ZBTB16: variants seen among roughly 807,000 people sequenced by gnomAD.
ZBTB16 encodes zinc finger and BTB domain containing 16.
In ZBTB16, 8 loss-of-function variants were observed where a neutral mutation model predicts 56.8. The ratio of observed to expected loss-of-function variants is 0.14; its 90% CI spans 0.08 to 0.25. The LOEUF is 0.25. Ranked by LOEUF, ZBTB16 falls within the 10% of genes least tolerant of loss-of-function variation. The probability of loss-of-function intolerance (pLI) is 1.00; values close to 1 mark genes in which losing one functional copy is unlikely to be tolerated. For synonymous variants in ZBTB16, 363 were observed against 368.5 expected (o/e 0.98, Z 0.17); for missense variants, 625 against 903.0 (o/e 0.69, Z 3.95).
At chr11:114,220,843 T>TA (rs1433689038) in intron 4 of ZBTB16, among the ~76,000 whole-genome samples, 1 of 152,142 alleles carries the variant, frequency 6.6e-6, no homozygotes, top group Non-Finnish European at 1.5e-5. Context: ...AGCAGTTACA[T>TA]AGAGTTTTGG....
chr11:114,182,380 A>C (rs550632854), intron 3 of ZBTB16, among the ~76,000 whole-genome samples: 28 of 151,960 alleles, frequency 1.8e-4, no homozygotes, highest in African/African-American at 6.3e-4. Flanking sequence ...TCTTTTTATC[A>C]CTTATCACCA....
At chr11:114,226,640 C>T (rs1224933771) in intron 4 of ZBTB16, among the ~76,000 whole-genome samples, 1 of 152,166 alleles carries the variant, frequency 6.6e-6, no homozygotes, top group Non-Finnish European at 1.5e-5. Flanking sequence ...CTTCAGAGTG[C>T]CCAGGGTTGG....
chr11:114,142,270 C>CT (rs1197588465), intron 2 of ZBTB16, among the ~76,000 whole-genome samples: 1 of 152,186 alleles, frequency 6.6e-6, no homozygotes, highest in African/African-American at 2.4e-5. Context: ...TGCCTAAAAA[C>CT]TTTTTCTCCT....
chr11:114,247,295 C>T lies in ZBTB16; in HGVS notation c.1722C>T (p.Tyr574=), dbSNP rs753518284. The T allele has an allele frequency of 2.8e-5, 45 of 1,614,248 alleles. No individual in the cohort carries two copies. In the East Asian group the frequency reaches 4.5e-4, roughly 16 times the overall value. The change falls in exon 6 of 7, where the codon TAC becomes TAT. Residue 574 remains tyrosine (Y), a synonymous_variant. Transcript: ENST00000335953. ...GCATCCACACGGGTGAGAAACCCTACGAGTGCAATGGCTGTGGCAAGAAGT... is the reference window on the plus strand; with the variant it reads ...GCATCCACACGGGTGAGAAACCCTATGAGTGCAATGGCTGTGGCAAGAAGT... The part of the protein sequence containing the change: ...HKRIHTGEKP[Y]ECNGCGKKFS...
chr11:114,254,117 C>G lies in ZBTB16; in HGVS notation c.*3562C>G, dbSNP rs551055399. Among the ~76,000 whole-genome samples, 18 of 152,240 alleles carry G rather than the reference C, an allele frequency of 1.2e-4. No homozygotes were observed. The East Asian group carries it at 1.9e-3, about 16-fold the overall frequency. On this transcript the variant is annotated 3_prime_UTR_variant, in exon 7 of 7. Coordinates refer to ENST00000335953, the MANE Select transcript of ZBTB16 (RefSeq NM_006006.6). The stretch of plus-strand genomic sequence containing the variant: ...CTCATGTGCTCTTTCCCTATTCACT[C>G]CTTCACTCATTCAAAGCATTAAAAT...
rs1288514956 is a variant in ZBTB16, at chr11:114,064,611, C to A, written c.1268+43C>A. 6.2e-7 allele frequency: 1 copy of A among 1,605,676 alleles called. No individual in the cohort carries two copies. The highest frequency in any genetic ancestry group is 8.5e-7 in the Non-Finnish European group (1 of 1,177,138). ...CCCGCACCTGATGTAGGACTTGAGG[C>A]CCTCACACCCCTCCTTCACACCCTG... is the stretch of plus-strand genomic sequence containing the variant. On this transcript the variant is annotated intron_variant, in intron 2 of 6. Coordinates refer to ENST00000335953, the MANE Select transcript of ZBTB16 (RefSeq NM_006006.6). The surrounding 1 kb of genome is among the most constrained non-coding windows in gnomAD (Gnocchi z 4.2).
intron 3 of ZBTB16, among the ~76,000 whole-genome samples, chr11:114,157,779 C>T (rs2134962836): frequency 1.3e-5 from 2 of 152,320 alleles, no homozygotes; most frequent in South Asian, 4.1e-4. Flanking sequence ...CTTCCCTCTT[C>T]CAGGCGCACG....
intron 2 of ZBTB16, among the ~76,000 whole-genome samples, chr11:114,075,006 C>G (rs1213425783): frequency 6.6e-6 from 1 of 152,044 alleles, no homozygotes; most frequent in Non-Finnish European, 1.5e-5. Context: ...AGCGTATGTG[C>G]CTAGGTACAT....
At chr11:114,209,976 G>A (rs1217904506) in intron 4 of ZBTB16, 1 of 984,712 alleles carries the variant, frequency 1.0e-6, no homozygotes. Flanking sequence ...CTTATTAGGA[G>A]CAAGACTTCA....
intron 2 of ZBTB16, among the ~76,000 whole-genome samples, chr11:114,117,916 G>A (rs1003896922): frequency 7.9e-5 from 12 of 152,170 alleles, no homozygotes; most frequent in Non-Finnish European, 1.6e-4. Context: ...CTGACATCTG[G>A]AGAGCAGAGA....
chr11:114,086,052 G>A (rs961027362), intron 2 of ZBTB16, among the ~76,000 whole-genome samples: 16 of 152,112 alleles, frequency 1.1e-4, no homozygotes, highest in African/African-American at 3.9e-4. Context: ...AGCCTGGCTT[G>A]GGTGCTTGCT....
intron 3 of ZBTB16, among the ~76,000 whole-genome samples, chr11:114,178,295 GC>G (rs1240548039): frequency 6.6e-6 from 1 of 152,172 alleles, no homozygotes; most frequent in African/African-American, 2.4e-5. Context: ...ATTATTGTAT[GC>G]CAGACAGGGT....
At chr11:114,118,533 G>T (rs1182741764) in intron 2 of ZBTB16, among the ~76,000 whole-genome samples, 1 of 152,056 alleles carries the variant, frequency 6.6e-6, no homozygotes, top group African/African-American at 2.4e-5. Context: ...CTATTTATTT[G>T]TTGGGCAGTC....
chr11:114,209,887 T>C (rs1772353217), intron 4 of ZBTB16: 2 of 985,272 alleles, frequency 2.0e-6, no homozygotes, highest in African/African-American at 3.5e-5. Flanking sequence ...TATTTCTTCA[T>C]GAAGGATATC....
chr11:114,177,647 G>A (rs575398954), intron 3 of ZBTB16, among the ~76,000 whole-genome samples: 61 of 152,154 alleles, frequency 4.0e-4, no homozygotes, highest in Middle Eastern at 3.4e-3. Flanking sequence ...ATCACAGCAG[G>A]GACTGACATT....
chr11:114,143,724 A>C lies in ZBTB16; in HGVS notation c.1269-12613A>C, dbSNP rs956764280. On this transcript the variant is annotated intron_variant, in intron 2 of 6. Coordinates refer to ENST00000335953, the MANE Select transcript of ZBTB16 (RefSeq NM_006006.6). The surrounding 1 kb of genome is among the most constrained non-coding windows in gnomAD (Gnocchi z 6.4). The stretch of plus-strand genomic sequence containing the variant: ...CCATGCCATGGACCGTCGCTGCATC[A>C]TCTAAGCACAGGGCACCCAGGCGGG... Among the ~76,000 whole-genome samples the C allele has an allele frequency of 6.6e-6, 1 of 152,212 alleles. No individual in the cohort carries two copies. Among genetic ancestry groups the C allele is most frequent in the Non-Finnish European group, 1.5e-5 (1 of 68,036 alleles).
At position 114,062,428 on chromosome 11, in the gene ZBTB16, G is replaced by A. The variant is rs117449925; in HGVS notation, c.-90-783G>A. 1.5e-3 allele frequency among the ~76,000 whole-genome samples: 227 copies of A among 152,312 alleles called. 5 individuals are homozygous for A. In the East Asian group the frequency reaches 0.042, roughly 28 times the overall value. ...CCACACACTCTTTCTGTCTGTCTCTGGCTGGTGTACATACACACAGTTCAG... is the reference window on the plus strand; with the variant it reads ...CCACACACTCTTTCTGTCTGTCTCTAGCTGGTGTACATACACACAGTTCAG... On this transcript the variant is annotated intron_variant, in intron 1 of 6. Transcript: ENST00000335953.
At chr11:114,127,292 A>G in intron 2 of ZBTB16, among the ~76,000 whole-genome samples, 1 of 152,118 alleles carries the variant, frequency 6.6e-6, no homozygotes, top group South Asian at 2.1e-4. Flanking sequence ...AGGGTTCTCA[A>G]AGTGACCTGC....
At chr11:114,216,291 T>TG (rs1304494082) in intron 4 of ZBTB16, among the ~76,000 whole-genome samples, 2 of 152,142 alleles carry the variant, frequency 1.3e-5, no homozygotes, top group Middle Eastern at 3.2e-3. Flanking sequence ...CTAGCAGAGC[T>TG]GGGGGGTGGA....
Sources: gnomAD v4.1 joint callset for allele counts (sites outside exome capture counted in the v4.1 genomes callset) on GRCh38, gnomAD v4.1.1 for gene constraint, Gnocchi (gnomAD v3.1) non-coding constraint, MANE v1.5 for transcripts, NCBI Gene and HGNC (gene_info 2026-07-23, HGNC 2026-07-21) for gene names.